KIAA1958: variants seen among roughly 807,000 people sequenced by gnomAD.
KIAA1958 encodes the protein uncharacterized protein KIAA1958.
In KIAA1958, 14 loss-of-function variants were observed where a neutral mutation model predicts 47.2. The ratio of observed to expected loss-of-function variants is 0.30; its 90% CI spans 0.20 to 0.46. The LOEUF (loss-of-function observed/expected upper bound fraction) is 0.46, where lower values mean the gene tolerates loss of function less well. KIAA1958 is among the 20% of genes least tolerant of loss of function. The pLI, the probability that KIAA1958 is intolerant of heterozygous loss-of-function variation, is 1.00. For synonymous variants in KIAA1958, 354 were observed against 353.3 expected (o/e 1.00, Z -0.02); for missense variants, 803 against 909.2 (o/e 0.88, Z 1.50).
chr9:112,533,780 G>A (rs922540418), intron 1 of KIAA1958, among the ~76,000 whole-genome samples: 12 of 152,014 alleles, frequency 7.9e-5, no homozygotes, highest in African/African-American at 2.9e-4. Context: ...TCACTATCAT[G>A]AGAACAGCAT....
intron 1 of KIAA1958, among the ~76,000 whole-genome samples, chr9:112,551,707 G>A (rs1835155084): frequency 6.6e-6 from 1 of 152,086 alleles, no homozygotes; most frequent in Admixed American, 6.6e-5. Flanking sequence ...AATGTCCCTT[G>A]GCTTCTCTAG....
intron 2 of KIAA1958, among the ~76,000 whole-genome samples, chr9:112,603,159 T>C (rs1278096135): frequency 6.6e-6 from 1 of 152,134 alleles, no homozygotes; most frequent in Non-Finnish European, 1.5e-5. Context: ...TGGAAGAACT[T>C]AACAGCAAAG....
intron 1 of KIAA1958, among the ~76,000 whole-genome samples, chr9:112,503,986 G>A (rs1486430134): frequency 6.6e-6 from 1 of 151,428 alleles, no homozygotes; most frequent in Non-Finnish European, 1.5e-5. Flanking sequence ...TTTATAATAA[G>A]CATAATTAAA....
intron 1 of KIAA1958, among the ~76,000 whole-genome samples, chr9:112,508,261 T>G (rs1262040152): frequency 1.3e-5 from 2 of 152,340 alleles, no homozygotes; most frequent in African/African-American, 4.8e-5. Flanking sequence ...TCCATTTAAC[T>G]TGCTTTTTCA....
chr9:112,651,775 A>G (rs568185172), intron 3 of KIAA1958, among the ~76,000 whole-genome samples: 7 of 152,286 alleles, frequency 4.6e-5, no homozygotes, highest in Admixed American at 1.3e-4. Flanking sequence ...CTAATAACCA[A>G]AGGACCAAGA....
At chr9:112,521,744 G>A (rs1045745471) in intron 1 of KIAA1958, among the ~76,000 whole-genome samples, 1 of 151,808 alleles carries the variant, frequency 6.6e-6, no homozygotes, top group Non-Finnish European at 1.5e-5. Context: ...ACATATTCAG[G>A]TTTAATTGTT....
chr9:112,584,631 A>T (rs957553143), intron 2 of KIAA1958, among the ~76,000 whole-genome samples: 1 of 152,216 alleles, frequency 6.6e-6, no homozygotes, highest in Non-Finnish European at 1.5e-5. Context: ...AAGTTTTTTT[A>T]AAGTTCTTCT....
At chr9:112,507,453 ATTC>A (rs765867037) in intron 1 of KIAA1958, among the ~76,000 whole-genome samples, 17 of 152,040 alleles carry the variant, frequency 1.1e-4, no homozygotes, top group Non-Finnish European at 5.9e-5. Flanking sequence ...GGCTCAAGTT[ATTC>A]TTTTGCCTTA....
chr9:112,610,679 G>C (rs1207295244), intron 2 of KIAA1958, among the ~76,000 whole-genome samples: 1 of 152,140 alleles, frequency 6.6e-6, no homozygotes, highest in Non-Finnish European at 1.5e-5. Context: ...CACATACAGA[G>C]AGCATCAGAC....
intron 1 of KIAA1958, among the ~76,000 whole-genome samples, chr9:112,526,921 G>A (rs10981433): frequency 0.95 from 145,408 of 152,324 alleles, 69,475 homozygotes; most frequent in African/African-American, 0.99. Flanking sequence ...AGCTCCGGGA[G>A]GTACTGAACA....
intron 1 of KIAA1958, among the ~76,000 whole-genome samples, chr9:112,510,586 C>T (rs1354667412): frequency 2.0e-5 from 3 of 152,198 alleles, no homozygotes; most frequent in East Asian, 1.9e-4. Flanking sequence ...AAATGGGTTA[C>T]ATATACTGTC....
At chr9:112,626,823 C>A (rs78547425) in intron 2 of KIAA1958, among the ~76,000 whole-genome samples, 173 of 133,696 alleles carry the variant, frequency 1.3e-3, no homozygotes, top group African/African-American at 1.2e-3. Flanking sequence ...GCATTTGTTA[C>A]AAAAAAAAAA....
At chr9:112,556,260 C>G (rs572322155) in intron 1 of KIAA1958, among the ~76,000 whole-genome samples, 1 of 152,296 alleles carries the variant, frequency 6.6e-6, no homozygotes, top group East Asian at 1.9e-4. Context: ...GCAAGGTTGA[C>G]TCAGCTTTCG....
chr9:112,569,981 G>A (rs150357001), intron 1 of KIAA1958, among the ~76,000 whole-genome samples: 2 of 152,232 alleles, frequency 1.3e-5, no homozygotes, highest in African/African-American at 4.8e-5. Context: ...TAATTGAGTG[G>A]ATAAGTTCTA....
chr9:112,504,106 T>G (rs933208056), intron 1 of KIAA1958, among the ~76,000 whole-genome samples: 67 of 152,296 alleles, frequency 4.4e-4, no homozygotes, highest in African/African-American at 1.4e-3. Context: ...CAACAGTGTC[T>G]TAAATCATCT....
intron 1 of KIAA1958, among the ~76,000 whole-genome samples, chr9:112,553,766 G>A (rs1835196258): frequency 6.6e-6 from 1 of 152,100 alleles, no homozygotes; most frequent in African/African-American, 2.4e-5. Flanking sequence ...TTGATAATGA[G>A]TACCAGTAAC....
In KIAA1958 at chr9:112,618,078, A is replaced by C. The variant is rs1300151388; in HGVS notation, c.1172-27572A>C. On this transcript the variant is annotated intron_variant, in intron 2 of 3. Coordinates refer to ENST00000337530, the MANE Select transcript of KIAA1958 (RefSeq NM_133465.4). This position sits in a 1 kb window ranked among gnomAD's most constrained non-coding sequence, Gnocchi z 7.1. ...GCCAGGCAGAAGGATGGGTCCGAAT[A>C]CGAACCCAACAGCTTGGCCAATTAC... 1 of 1,550,566 alleles carries C rather than the reference A, an allele frequency of 6.4e-7. No individual in the cohort carries two copies.
At chr9:112,615,726 G>A (rs1836398477) in intron 2 of KIAA1958, among the ~76,000 whole-genome samples, 1 of 152,126 alleles carries the variant, frequency 6.6e-6, no homozygotes, top group African/African-American at 2.4e-5. Flanking sequence ...GCATAAGACA[G>A]GAAATGCTAT....
At chr9:112,551,731 C>T (rs186380382) in intron 1 of KIAA1958, among the ~76,000 whole-genome samples, 1 of 152,262 alleles carries the variant, frequency 6.6e-6, no homozygotes, top group East Asian at 1.9e-4. Context: ...TCCCAGGGGC[C>T]TCTCTCAGTT....
Sources: allele counts gnomAD v4.1 joint callset (sites outside exome capture counted in the v4.1 genomes callset), GRCh38; gene constraint gnomAD v4.1.1; non-coding constraint Gnocchi (gnomAD v3.1); transcripts MANE v1.5; gene names NCBI Gene and HGNC (gene_info 2026-07-23, HGNC 2026-07-21).